Variants in CADM2 observed in about 807,000 individuals in gnomAD.
CADM2 encodes cell adhesion molecule 2, also known as immunoglobulin superfamily member 4D.
CADM2 carries 12 observed loss-of-function variants against 49.8 expected under a neutral mutation model. That is an observed-to-expected ratio of 0.24 (90% CI 0.15 to 0.39). The LOEUF (loss-of-function observed/expected upper bound fraction) is 0.39. Ranked by LOEUF, CADM2 falls within the 10% of genes least tolerant of loss-of-function variation. CADM2 has a pLI of 1.00. For missense variants in CADM2, 378 were observed against 492.3 expected (o/e 0.77, Z 2.20); for synonymous variants, 214 against 175.4 (o/e 1.22, Z -1.74).
At chr3:85,193,619 A>G (rs960739200) in intron 1 of CADM2, among the ~76,000 whole-genome samples, 3 of 151,972 alleles carry the variant, frequency 2.0e-5, no homozygotes, top group African/African-American at 7.2e-5. Context: ...AAAAAAAGTT[A>G]GCAATGGATA....
intron 1 of CADM2, among the ~76,000 whole-genome samples, chr3:85,251,987 A>C (rs2042786774): frequency 6.6e-6 from 1 of 151,986 alleles, no homozygotes; most frequent in Non-Finnish European, 1.5e-5. Context: ...TCTCCACCAC[A>C]AAGCCTGGAA....
At chr3:85,552,766 T>G (rs1483546866) in intron 1 of CADM2, among the ~76,000 whole-genome samples, 1 of 151,960 alleles carries the variant, frequency 6.6e-6, no homozygotes, top group Non-Finnish European at 1.5e-5. Context: ...AACCTCTGCC[T>G]CCCGGGTTCA....
chr3:85,628,902 G>T (rs780965144), intron 1 of CADM2, among the ~76,000 whole-genome samples: 5 of 151,052 alleles, frequency 3.3e-5, no homozygotes, highest in African/African-American at 1.2e-4. Flanking sequence ...AAGTTATTGA[G>T]GTGGTATATG....
intron 1 of CADM2, among the ~76,000 whole-genome samples, chr3:85,125,515 C>T (rs1037853498): frequency 6.6e-6 from 1 of 152,060 alleles, no homozygotes; most frequent in Admixed American, 6.6e-5. Flanking sequence ...TGCACCACCA[C>T]ACCTGGTTAA....
Position 86,074,206 on chromosome 3 carries a change from G to A in CADM2, c.*7423G>A, listed in dbSNP as rs978880237. On this transcript the variant is annotated 3_prime_UTR_variant, in exon 10 of 10. Coordinates refer to ENST00000383699, the MANE Select transcript of CADM2 (RefSeq NM_001167675.2). ...GCAATTAATCATATATCCAACCTAA[G>A]CTTCTGCCAATAAGGATTTCAGATA... The A allele has an allele frequency of 2.0e-5, 3 of 151,820 alleles. No individual in the cohort carries two copies. The highest frequency in any genetic ancestry group is 4.4e-5 in the Non-Finnish European group (3 of 67,846). 9.4% of individuals were successfully genotyped at this position (151,820 alleles called of 1,614,324 possible).
At chr3:85,802,768 T>G (rs1316428800) in intron 3 of CADM2, among the ~76,000 whole-genome samples, 1 of 152,110 alleles carries the variant, frequency 6.6e-6, no homozygotes, top group African/African-American at 2.4e-5. Context: ...GGATAATAGA[T>G]TTTGATTAAA....
At chr3:85,929,640 TAGAG>T (rs575090370) in intron 6 of CADM2, among the ~76,000 whole-genome samples, 126 of 152,076 alleles carry the variant, frequency 8.3e-4, no homozygotes, top group African/African-American at 2.6e-3. Context: ...AAATAAATAA[TAGAG>T]AGAAATATGT....
At chr3:85,292,215 G>A (rs1482995270) in intron 1 of CADM2, among the ~76,000 whole-genome samples, 1 of 149,366 alleles carries the variant, frequency 6.7e-6, no homozygotes, top group African/African-American at 2.6e-5. Flanking sequence ...ATGGTAAAGG[G>A]ATCAATTCAA....
chr3:85,480,088 T>A (rs999910131), intron 1 of CADM2, among the ~76,000 whole-genome samples: 5 of 151,848 alleles, frequency 3.3e-5, no homozygotes, highest in African/African-American at 1.2e-4. Flanking sequence ...GTAGTTTTAC[T>A]GATTTGACAG....
chr3:85,164,148 A>T (rs1192188662), intron 1 of CADM2, among the ~76,000 whole-genome samples: 1 of 151,816 alleles, frequency 6.6e-6, no homozygotes, highest in Non-Finnish European at 1.5e-5. Context: ...TTGCCTTTGG[A>T]TTTTTCTTGC....
chr3:85,078,614 A>G (rs1177260159), intron 1 of CADM2, among the ~76,000 whole-genome samples: 1 of 151,874 alleles, frequency 6.6e-6, no homozygotes, highest in African/African-American at 2.4e-5. Flanking sequence ...TTCCAATTTT[A>G]CATTCATAAC....
At chr3:85,708,630 T>C (rs1302642693) in intron 1 of CADM2, among the ~76,000 whole-genome samples, 1 of 152,180 alleles carries the variant, frequency 6.6e-6, no homozygotes, top group East Asian at 1.9e-4. Context: ...AGAAATCTTA[T>C]TTTTTAAAAA....
chr3:85,378,256 ACT>A (rs898021286), intron 1 of CADM2, among the ~76,000 whole-genome samples: 1 of 151,820 alleles, frequency 6.6e-6, no homozygotes, highest in African/African-American at 2.4e-5. Context: ...AGCCCTCATC[ACT>A]CTGTTCTGTG....
chr3:85,776,915 G>C (rs1469128733), intron 2 of CADM2, among the ~76,000 whole-genome samples: 1 of 152,050 alleles, frequency 6.6e-6, no homozygotes, highest in Non-Finnish European at 1.5e-5. Context: ...TGACACGCCT[G>C]AAAGTTCTGC....
intron 1 of CADM2, among the ~76,000 whole-genome samples, chr3:85,338,298 T>C (rs2045146026): frequency 6.6e-6 from 1 of 151,640 alleles, no homozygotes; most frequent in Admixed American, 6.6e-5. Flanking sequence ...TACATGTCAA[T>C]TTTCATCTGT....
At chr3:85,803,400 G>T (rs971071567) in intron 3 of CADM2, among the ~76,000 whole-genome samples, 5 of 151,992 alleles carry the variant, frequency 3.3e-5, no homozygotes, top group African/African-American at 1.2e-4. Context: ...TACATTAAAA[G>T]GGGACAAGTG....
intron 1 of CADM2, among the ~76,000 whole-genome samples, chr3:85,363,964 T>G (rs2032555011): frequency 6.6e-6 from 1 of 152,198 alleles, no homozygotes; most frequent in Non-Finnish European, 1.5e-5. Flanking sequence ...GACTTCATAT[T>G]TTATGTCTCT....
At chr3:86,038,227 A>T (rs1403979661) in intron 8 of CADM2, among the ~76,000 whole-genome samples, 2 of 152,208 alleles carry the variant, frequency 1.3e-5, no homozygotes, top group East Asian at 1.9e-4. Flanking sequence ...ACTTCTTAAC[A>T]TGTGTTAAAT....
At chr3:85,553,940 A>G (rs776102361) in intron 1 of CADM2, among the ~76,000 whole-genome samples, 153 of 152,198 alleles carry the variant, frequency 1.0e-3, no homozygotes, top group Non-Finnish European at 7.5e-4. Flanking sequence ...CTGAGTGAAA[A>G]GAAAAGTTAT....
Sources: gnomAD v4.1 joint callset for allele counts (sites outside exome capture counted in the v4.1 genomes callset) on GRCh38, gnomAD v4.1.1 for gene constraint, MANE v1.5 for transcripts, NCBI Gene and HGNC (gene_info 2026-07-23, HGNC 2026-07-21) for gene names.